The following PRKCI variants were observed in gnomAD, a reference collection of about 807,000 sequenced individuals.
PRKCI encodes protein kinase C iota type.
Under a neutral mutation model 84.0 loss-of-function variants are expected in PRKCI, and 43 were observed. That is an observed-to-expected ratio of 0.51 (90% confidence interval 0.40 to 0.66). The LOEUF is 0.66. Ranked by LOEUF, PRKCI falls within the 30% of genes least tolerant of loss-of-function variation. The pLI is 0.00. For synonymous variants in PRKCI, 216 were observed against 234.4 expected, an observed-to-expected ratio of 0.92 and a Z score of 0.72; for missense variants, 459 against 745.6, an observed-to-expected ratio of 0.62 and a Z score of 4.48.
At chr3:170,264,425 G>A (rs758150975) in intron 4 of PRKCI, among the ~76,000 whole-genome samples, 5 of 151,896 alleles carry the variant, frequency 3.3e-5, no homozygotes, top group African/African-American at 7.3e-5. Flanking sequence ...GATTACAGGC[G>A]CCAACACCAT....
intron 5 of PRKCI, among the ~76,000 whole-genome samples, chr3:170,269,479 A>C (rs1428200618): frequency 2.0e-5 from 3 of 151,898 alleles, no homozygotes; most frequent in African/African-American, 7.3e-5. Context: ...AGGGTAACGT[A>C]GTGTGAGATC....
Position 170,255,452 on chromosome 3 carries a change from G to C in PRKCI, c.224-4517G>C, listed in dbSNP as rs1253544746. 2.6e-5 allele frequency among the ~76,000 whole-genome samples: 4 copies of C among 152,124 alleles called. No individual in the cohort carries two copies. The East Asian group carries it at 7.7e-4, about 29-fold the overall frequency. On this transcript the variant is annotated intron_variant, in intron 2 of 17. Coordinates refer to ENST00000295797, the MANE Select transcript of PRKCI (RefSeq NM_002740.6). ...AATTACTTTTTTGATTACTTTTTCA[G>C]ATTATTTGCTGTGGCATATAGAAAT...
Position 170,261,449 on chromosome 3 carries a change from GT to G in PRKCI, c.313+1401del, listed in dbSNP as rs141662590. Among the ~76,000 whole-genome samples, 564 of 130,730 alleles carry G rather than the reference GT, an allele frequency of 4.3e-3. 2 individuals are homozygous for G. The highest frequency in any genetic ancestry group is 0.014 in the African/African-American group (474 of 34,358). The allele number at this position is 130,730 out of a possible 152,430, so 85.8% of individuals were successfully genotyped here. ...ATTTCTTTGTATTTTCCTTTACAGT[GT>G]TTTTTTTTTAAAAAAAAAAAAAAAA... On this transcript the variant is annotated intron_variant, in intron 3 of 17. Transcript: ENST00000295797.
rs528190878 is a variant in PRKCI at position 170,286,484 on chromosome 3, G to A, written c.1203+1888G>A. On this transcript the variant is annotated intron_variant, in intron 12 of 17. Transcript: ENST00000295797. ...GAAGTGCACAAATTAAAACAATGAG[G>A]CTTTTTTTTTTTTTTTTTTTTTTGC... 2.9e-4 allele frequency among the ~76,000 whole-genome samples: 31 copies of A among 106,970 alleles called. 1 individual carries two copies. Among genetic ancestry groups the A allele is most frequent in the South Asian group, 2.1e-3 (7 of 3,352 alleles). The allele number at this position is 106,970 out of a possible 152,430, so 70.2% of individuals were successfully genotyped here. A position where few individuals can be genotyped will look rare whatever the true frequency, so the allele number is the denominator to read the frequency against.
intron 4 of PRKCI, among the ~76,000 whole-genome samples, chr3:170,263,851 A>G (rs1460292876): frequency 6.6e-6 from 1 of 152,090 alleles, no homozygotes; most frequent in Admixed American, 6.6e-5. Flanking sequence ...TTTCTTTTCC[A>G]TTTTTCAGTC....
intron 12 of PRKCI, among the ~76,000 whole-genome samples, chr3:170,290,567 C>T (rs1734527029): frequency 6.6e-6 from 1 of 151,196 alleles, no homozygotes. Context: ...TAGCTTTTTT[C>T]CAAATCTTTC....
chr3:170,245,750 T>G (rs950088037), intron 2 of PRKCI, among the ~76,000 whole-genome samples: 9 of 152,152 alleles, frequency 5.9e-5, no homozygotes, highest in African/African-American at 2.2e-4. Flanking sequence ...AGTGGGTTTT[T>G]TTGTTTTTGA....
At position 170,235,216 on chromosome 3, in the gene PRKCI, C is replaced by T. The variant is rs773232919; in HGVS notation, c.102-14C>T. 10 of 1,610,734 alleles carry T rather than the reference C, an allele frequency of 6.2e-6. No individual in the cohort carries two copies. The highest frequency in any genetic ancestry group is 1.7e-4 in the Middle Eastern group (1 of 6,032). ...TTAATCATTTTCAAACTGAAAACTC[C>T]TTTTCTTTTTCAGGGATATCATGAT... On this transcript the variant is annotated splice_polypyrimidine_tract_variant and intron_variant, in intron 1 of 17. Transcript: ENST00000295797.
At chr3:170,301,858 C>T (rs1734826982) in intron 17 of PRKCI, among the ~76,000 whole-genome samples, 1 of 152,122 alleles carries the variant, frequency 6.6e-6, no homozygotes, top group Non-Finnish European at 1.5e-5. Context: ...TCCTTCATTG[C>T]CTATCAGGTA....
At chr3:170,258,678 G>A (rs867757970) in intron 2 of PRKCI, among the ~76,000 whole-genome samples, 2 of 152,170 alleles carry the variant, frequency 1.3e-5, no homozygotes, top group African/African-American at 4.8e-5. Context: ...CAGTTGTCTG[G>A]CTAGTTGGGT....
rs75056583 is a variant in PRKCI at position 170,239,844 on chromosome 3, A to G, written c.223+4493A>G. Among the ~76,000 whole-genome samples the G allele has an allele frequency of 3.3e-3, 507 of 151,920 alleles. 4 individuals are homozygous for G. Among genetic ancestry groups the G allele is most frequent in the African/African-American group, 0.012 (483 of 41,436 alleles). On this transcript the variant is annotated intron_variant, in intron 2 of 17. Coordinates refer to ENST00000295797, the MANE Select transcript of PRKCI (RefSeq NM_002740.6). Reference sequence around the variant, plus strand: ...AGTGCCTAGAGCAATACTAAATAATACTATGCTCAAAAAATATTTGTGGCT... The same window carrying G: ...AGTGCCTAGAGCAATACTAAATAATGCTATGCTCAAAAAATATTTGTGGCT...
At chr3:170,270,331 C>A (rs937891618) in intron 5 of PRKCI, 90 bp from the exon 6 acceptor site, 4 of 1,275,596 alleles carry the variant, frequency 3.1e-6, no homozygotes, top group Non-Finnish European at 4.2e-6. Flanking sequence ...ACAGTTGACA[C>A]CGTGACAAAG....
chr3:170,223,968 C>G (rs1732564588), intron 1 of PRKCI, among the ~76,000 whole-genome samples: 2 of 151,690 alleles, frequency 1.3e-5, no homozygotes, highest in Admixed American at 1.3e-4. Flanking sequence ...GCACAATGTG[C>G]AGGTTAGTTA....
At chr3:170,298,203 G>A (rs887212992) in intron 16 of PRKCI, among the ~76,000 whole-genome samples, 3 of 151,718 alleles carry the variant, frequency 2.0e-5, no homozygotes. Flanking sequence ...AATAAAGCAG[G>A]TTGTAATGTT....
chr3:170,273,246 G>T, intron 6 of PRKCI, 40 bp from the exon 7 acceptor site: 1 of 1,529,822 alleles, frequency 6.5e-7, no homozygotes, highest in East Asian at 2.3e-5. Flanking sequence ...TGTAATAGAG[G>T]TACTCCACTG....
At chr3:170,286,294 A>G (rs138033362) in intron 12 of PRKCI, among the ~76,000 whole-genome samples, 1 of 152,210 alleles carries the variant, frequency 6.6e-6, no homozygotes, top group Non-Finnish European at 1.5e-5. Context: ...TGGAACCCCT[A>G]TGTACCTATC....
At chr3:170,244,929 A>G (rs1733236334) in intron 2 of PRKCI, 1 of 152,238 alleles carries the variant, frequency 6.6e-6, no homozygotes, top group Non-Finnish European at 1.5e-5. Context: ...GGAGAAGAGG[A>G]ATTCTGTTGT....
intron 2 of PRKCI, among the ~76,000 whole-genome samples, chr3:170,236,436 T>G (rs1418037003): frequency 6.6e-6 from 1 of 152,228 alleles, no homozygotes; most frequent in Non-Finnish European, 1.5e-5. Flanking sequence ...TGTGTTGTCT[T>G]ATATTTTAAT....
At chr3:170,247,428 C>T (rs1024523382) in intron 2 of PRKCI, among the ~76,000 whole-genome samples, 23 of 151,514 alleles carry the variant, frequency 1.5e-4, no homozygotes, top group Non-Finnish European at 3.1e-4. Context: ...ATTACTTCAT[C>T]TCTCCTGATG....
Sources: gnomAD v4.1 joint callset for allele counts (sites outside exome capture counted in the v4.1 genomes callset) on GRCh38, gnomAD v4.1.1 for gene constraint, MANE v1.5 for transcripts, NCBI Gene and HGNC (gene_info 2026-07-23, HGNC 2026-07-21) for gene names.